The following TNRC18 variants were observed in gnomAD, a reference collection of about 807,000 sequenced individuals.
TNRC18 encodes trinucleotide repeat-containing gene 18 protein.
TNRC18 carries 69 observed loss-of-function variants against 226.7 expected under a neutral mutation model. That is an observed-to-expected ratio of 0.30 (90% CI 0.25 to 0.37). TNRC18 has a LOEUF of 0.37. Ranked by LOEUF, TNRC18 falls within the 10% of genes least tolerant of loss-of-function variation. The pLI, the probability that TNRC18 is intolerant of heterozygous loss-of-function variation, is 1.00. For synonymous variants in TNRC18, 2,449 were observed against 1,927.6 expected, an observed-to-expected ratio of 1.27 and a Z score of -7.09; for missense variants, 4,754 against 4,256.6, an observed-to-expected ratio of 1.12 and a Z score of -3.25.
chr7:5,356,811 CGAGA>C (rs1025388442), intron 16 of TNRC18, 101 bp downstream of exon 16: 9 of 1,372,648 alleles, frequency 6.6e-6, no homozygotes, highest in African/African-American at 5.2e-5. Flanking sequence ...AGAGCGAGAG[CGAGA>C]GAGAGAGTGA....
At chr7:5,342,836 G>C (rs1425103554) in intron 18 of TNRC18, among the ~76,000 whole-genome samples, 1 of 152,152 alleles carries the variant, frequency 6.6e-6, no homozygotes, top group African/African-American at 2.4e-5. Context: ...AATCTTTCTT[G>C]AAAGAGTCAA....
chr7:5,381,529 C>T (rs1779395278), intron 5 of TNRC18, among the ~76,000 whole-genome samples: 1 of 152,136 alleles, frequency 6.6e-6, no homozygotes, highest in African/African-American at 2.4e-5. Context: ...AGCTATTCTG[C>T]TTATTGATCA....
intron 18 of TNRC18, among the ~76,000 whole-genome samples, chr7:5,334,245 G>A (rs918647084): frequency 6.6e-6 from 1 of 152,194 alleles, no homozygotes; most frequent in Non-Finnish European, 1.5e-5. Context: ...GCTGGCGGGG[G>A]CTGCCCAGTG....
At chr7:5,335,171 C>T (rs917357315) in intron 18 of TNRC18, among the ~76,000 whole-genome samples, 8 of 151,036 alleles carry the variant, frequency 5.3e-5, no homozygotes, top group South Asian at 4.2e-4. Flanking sequence ...GGCATGGTGG[C>T]GGGTGCCTAT....
At chr7:5,402,888 G>A (rs1781208400) in intron 2 of TNRC18, among the ~76,000 whole-genome samples, 1 of 151,818 alleles carries the variant, frequency 6.6e-6, no homozygotes, top group African/African-American at 2.4e-5. Flanking sequence ...TGGAATGGGG[G>A]GGCAAGGTCC....
chr7:5,347,660 G>A (rs1334135001), intron 17 of TNRC18, among the ~76,000 whole-genome samples: 1 of 151,806 alleles, frequency 6.6e-6, no homozygotes, highest in African/African-American at 2.4e-5. Flanking sequence ...GCGAGACCCT[G>A]TCTCAAAAAT....
At chr7:5,315,223 C>T (rs879079292) in intron 25 of TNRC18, 75 bp from the exon 26 acceptor site, 5 of 1,484,052 alleles carry the variant, frequency 3.4e-6, no homozygotes, top group African/African-American at 1.4e-5. Flanking sequence ...CTGGTCTGTC[C>T]CGGGGATCAG....
rs576155020 is a variant in TNRC18, at chr7:5,361,780, C to G, written c.4533-58G>C. The stretch of plus-strand genomic sequence containing the variant: ...TGGGGGGCGGGCGGGGCGCGGAGAA[C>G]GGGCACACGATGCACACACGGCGCC... On this transcript the variant is annotated intron_variant, in intron 13 of 29. Coordinates refer to ENST00000430969, the MANE Select transcript of TNRC18 (RefSeq NM_001080495.3). 2.6e-6 allele frequency: 4 copies of G among 1,541,482 alleles called. No homozygotes were observed. The African/African-American group carries it at 5.5e-5, about 21-fold the overall frequency.
At chr7:5,408,129 G>A (rs1198689053) in intron 2 of TNRC18, among the ~76,000 whole-genome samples, 10 of 151,990 alleles carry the variant, frequency 6.6e-5, no homozygotes, top group East Asian at 1.9e-4. Flanking sequence ...GTGAAACGCC[G>A]TCTCTGCTAA....
rs1249872520 is a variant in TNRC18, at chr7:5,308,454, AAGAGACAGACCAACAAAAG to A, written c.8701-161_8701-143del. Reference sequence around the variant, plus strand: ...ACCAAGTCAGAGACAGAGGCTGAGTAAGAGACAGACCAACAAAAGAGAGACAGAGACCGAGAGATGGAGA... The same window carrying A: ...ACCAAGTCAGAGACAGAGGCTGAGTAAGAGACAGAGACCGAGAGATGGAGA... On this transcript the variant is annotated intron_variant, in intron 29 of 29. Transcript: ENST00000430969. The A allele has an allele frequency of 2.3e-5, 17 of 749,198 alleles. No homozygotes were observed. The East Asian group carries it at 4.3e-4, about 19-fold the overall frequency. The allele number at this position is 749,198 out of a possible 1,614,324, so 46.4% of individuals were successfully genotyped here. A position where few individuals can be genotyped will look rare whatever the true frequency, so the allele number is the denominator to read the frequency against.
At chr7:5,406,953 G>A (rs2128214854) in intron 2 of TNRC18, among the ~76,000 whole-genome samples, 1 of 152,270 alleles carries the variant, frequency 6.6e-6, no homozygotes, top group Middle Eastern at 3.4e-3. Flanking sequence ...CCACCTCCCT[G>A]CCAGCCCCCA....
At chr7:5,398,837 T>C (rs2128206914) in intron 2 of TNRC18, among the ~76,000 whole-genome samples, 1 of 151,650 alleles carries the variant, frequency 6.6e-6, no homozygotes, top group African/African-American at 2.4e-5. Context: ...TTGCCCAGGC[T>C]GGTCTCAAAC....
Position 5,376,885 on chromosome 7 carries a change from T to A in TNRC18, c.2570A>T (p.Gln857Leu). The change falls in exon 8 of 30, where the codon CAG becomes CTG. Residue 857 changes from glutamine (Q) to leucine (L), a missense_variant. By Grantham distance (113) the Gln-to-Leu change is moderately radical. Transcript: ENST00000430969. Reference sequence around the variant, plus strand: ...GTGATCACTGGGAATGACCACCAGCTGGCCCGATTGGGGGTCCCTGACAAA... The same window carrying A: ...GTGATCACTGGGAATGACCACCAGCAGGCCCGATTGGGGGTCCCTGACAAA... ...YQFVRDPQSG[Q>L]LVVIPSDHLP... 6.2e-7 allele frequency: 1 copy of A among 1,611,278 alleles called. No homozygotes were observed.
Position 5,400,399 on chromosome 7 carries a change from C to A in TNRC18, c.188-5804G>T, listed in dbSNP as rs895160333. ...CAGAGGCGGGCGGATCACCTGAGGT[C>A]AGGGGTTCTAGACCAGCCTGACCAA... On this transcript the variant is annotated intron_variant, in intron 2 of 29. Transcript: ENST00000430969. Among the ~76,000 whole-genome samples, 27 of 151,898 alleles carry A rather than the reference C, an allele frequency of 1.8e-4. 1 individual carries two copies. The highest frequency in any genetic ancestry group is 2.9e-5 in the Non-Finnish European group (2 of 67,970).
At chr7:5,367,497 G>A (rs1448224568) in intron 11 of TNRC18, among the ~76,000 whole-genome samples, 2 of 150,818 alleles carry the variant, frequency 1.3e-5, no homozygotes, top group Non-Finnish European at 3.0e-5. Context: ...GTACCATCTC[G>A]GCTCACTGCA....
At chr7:5,362,452 A>G (rs959057602) in intron 12 of TNRC18, among the ~76,000 whole-genome samples, 198 bp downstream of exon 12, 2 of 152,102 alleles carry the variant, frequency 1.3e-5, no homozygotes, top group Non-Finnish European at 2.9e-5. Context: ...ACATGCTAGC[A>G]GACAGGTAAA....
At chr7:5,408,703 G>A (rs565557871) in intron 2 of TNRC18, among the ~76,000 whole-genome samples, 4 of 152,268 alleles carry the variant, frequency 2.6e-5, no homozygotes, top group African/African-American at 7.2e-5. Context: ...AGAGATGTGC[G>A]GCCTGGCACA....
chr7:5,387,814 A>T lies in TNRC18; in HGVS notation c.2010T>A (p.Gly670=). The change falls in exon 5 of 30, where the codon GGT becomes GGA. Residue 670 remains glycine (G), a synonymous_variant. Transcript: ENST00000430969. ...SAKAFGREGS[G]AQGEAEVRHP... Reference sequence around the variant, plus strand: ...GTCGCACTTCTGCCTCACCCTGGGCACCAGAGCCCTCGCGCCCGAAAGCTT... The same window carrying T: ...GTCGCACTTCTGCCTCACCCTGGGCTCCAGAGCCCTCGCGCCCGAAAGCTT... 6.2e-7 allele frequency: 1 copy of T among 1,607,326 alleles called. No individual in the cohort carries two copies. The highest frequency in any genetic ancestry group is 8.5e-7 in the Non-Finnish European group (1 of 1,179,618).
chr7:5,386,353 G>A (rs552999250), intron 5 of TNRC18, among the ~76,000 whole-genome samples: 1 of 152,172 alleles, frequency 6.6e-6, no homozygotes, highest in Admixed American at 6.6e-5. Flanking sequence ...AAGGCAGGCG[G>A]ATCATCTGAG....
Sources: allele counts gnomAD v4.1 joint callset (sites outside exome capture counted in the v4.1 genomes callset), GRCh38; gene constraint gnomAD v4.1.1; transcripts MANE v1.5; gene names NCBI Gene and HGNC (gene_info 2026-07-23, HGNC 2026-07-21).